The following RHOT2 variants were observed in gnomAD, a reference collection of about 807,000 sequenced individuals.
RHOT2 encodes the protein ras homolog family member T2.
Under a neutral mutation model 81.6 loss-of-function variants are expected in RHOT2, and 90 were observed. The observed-to-expected ratio is 1.10, with a 90% CI of 0.93 to 1.31. The LOEUF is 1.31. RHOT2 is among the 40% of genes most tolerant of loss of function. The pLI, the probability that RHOT2 is intolerant of heterozygous loss-of-function variation, is 0.00. For missense variants in RHOT2, 1,014 were observed against 841.9 expected, an observed-to-expected ratio of 1.20 and a Z score of -2.53; for synonymous variants, 512 against 370.9, an observed-to-expected ratio of 1.38 and a Z score of -4.37.
chr16:672,588 C>T (rs371567285), intron 16 of RHOT2, 22 bp downstream of exon 16: 818 of 1,611,812 alleles, frequency 5.1e-4, no homozygotes, highest in Middle Eastern at 1.5e-3. Flanking sequence ...GGCGGCGCGG[C>T]CTGTGCCCGA....
chr16:672,331 C>T lies in RHOT2; in HGVS notation c.1273C>T (p.Arg425Cys), dbSNP rs3177338. 680,802 of 1,611,494 alleles carry T rather than the reference C, an allele frequency of 0.42. 161,339 individuals are homozygous for T. Among genetic ancestry groups the T allele is most frequent in the East Asian group, 0.99 (44,551 of 44,860 alleles). The change falls in exon 15 of 19, where the codon CGT becomes TGT. Residue 425 changes from arginine to cysteine, a missense_variant. Physicochemically the swap from Arg to Cys is radical, Grantham distance 180. Coordinates refer to ENST00000315082, the MANE Select transcript of RHOT2 (RefSeq NM_138769.3). ...CCTCCTGTGCAAGGTGGTAGGGGCCCGTGGAGTGGGCAAGTCTGCCTTCCT... is the reference window on the plus strand; with the variant it reads ...CCTCCTGTGCAAGGTGGTAGGGGCCTGTGGAGTGGGCAAGTCTGCCTTCCT... Reference protein sequence around the residue: ...SVLLCKVVGARGVGKSAFLQA... With the variant: ...SVLLCKVVGACGVGKSAFLQA...
rs111695663 is a variant in RHOT2 at position 669,185 on chromosome 16, C to T, written c.223-368C>T. 12 of 406,400 alleles carry T rather than the reference C, an allele frequency of 3.0e-5. 1 individual carries two copies. Among genetic ancestry groups the T allele is most frequent in the African/African-American group, 1.0e-4 (5 of 49,268 alleles). The allele number at this position is 406,400 out of a possible 1,614,324, so 25.2% of individuals were successfully genotyped here. Reference sequence around the variant, plus strand: ...AGGGGGGAGGCAGGGGCCAAGGCGGCGGCTGTCTTGCAGGGTGTTGGGTTG... The same window carrying T: ...AGGGGGGAGGCAGGGGCCAAGGCGGTGGCTGTCTTGCAGGGTGTTGGGTTG... On this transcript the variant is annotated intron_variant, in intron 4 of 18. Transcript: ENST00000315082.
chr16:670,253 C>A lies in RHOT2; in HGVS notation c.334C>A (p.Pro112Thr). Residue 112 changes from proline (P) to threonine (T), a missense_variant, in exon 7 of 19, where the codon CCC becomes ACC. Transcript: ENST00000315082. ...GACCATGGGCCTTCAACCCAGGGTG[C>A]CCATCATCCTAGTGGGCAACAAGTC... ...NGGTTQGPRV[P>T]IILVGNKSDL... The A allele has an allele frequency of 6.2e-7, 1 of 1,612,542 alleles. No individual in the cohort carries two copies. Among genetic ancestry groups the A allele is most frequent in the Non-Finnish European group, 8.5e-7 (1 of 1,179,846 alleles).
intron 4 of RHOT2, chr16:668,957 T>A (rs2038414449): frequency 1.9e-6 from 1 of 531,004 alleles, no homozygotes; most frequent in Admixed American, 3.9e-5. Context: ...CAGCAGCGTT[T>A]GCTCTTCCTG....
rs1329355964 is a variant in RHOT2 at position 668,338 on chromosome 16, C to T, written c.38-15C>T. ...GTGACCTTGGCCCTCGCGCTGACCG[C>T]CTCGCCCCGCGCAGCCCAGGTGGGG... On this transcript the variant is annotated splice_polypyrimidine_tract_variant and intron_variant, in intron 1 of 18. Coordinates refer to ENST00000315082, the MANE Select transcript of RHOT2 (RefSeq NM_138769.3). 5 of 1,389,856 alleles carry T rather than the reference C, an allele frequency of 3.6e-6. No homozygotes were observed. The highest frequency in any genetic ancestry group is 3.7e-6 in the Non-Finnish European group (4 of 1,078,650). The allele number at this position is 1,389,856 out of a possible 1,614,324, so 86.1% of individuals were successfully genotyped here.
intron 4 of RHOT2, 65 bp from the exon 5 acceptor site, chr16:669,488 A>G: frequency 6.5e-7 from 1 of 1,544,766 alleles, no homozygotes; most frequent in Non-Finnish European, 8.9e-7. Flanking sequence ...ATGGCGTGGA[A>G]CGGCCAGGGT....
chr16:670,590 C>T, intron 8 of RHOT2, 33 bp downstream of exon 8: 1 of 1,595,986 alleles, frequency 6.3e-7, no homozygotes, highest in Non-Finnish European at 8.6e-7. Flanking sequence ...CACGCTGGTT[C>T]CCCAGGGGCC....
rs2151491322 is a variant in RHOT2, at chr16:673,889, G to A, written c.*283G>A. ...GGGATTGCCCACCCCTGGGCATCAT[G>A]TGTGTGGGGCCGGGGAGCACAGGTG... On this transcript the variant is annotated 3_prime_UTR_variant, in exon 19 of 19. Transcript: ENST00000315082. 1.6e-6 allele frequency: 1 copy of A among 609,650 alleles called. No homozygotes were observed. The highest frequency in any genetic ancestry group is 3.3e-5 in the East Asian group (1 of 30,736). The allele number at this position is 609,650 out of a possible 1,614,324, so 37.8% of individuals were successfully genotyped here. A position where few individuals can be genotyped will look rare whatever the true frequency, so the allele number is the denominator to read the frequency against.
Position 668,293 on chromosome 16 carries a change from CTCGGGGG to C in RHOT2, c.38-52_38-46del, listed in dbSNP as rs2038254477. On this transcript the variant is annotated intron_variant, in intron 1 of 18. Transcript: ENST00000315082. ...GGCGGCCGTGAGGCGGGGTGAGGGT[CTCGGGGG>C]TCGGGGGGCGCCGTGACCTTGGCCC... 8.5e-6 allele frequency: 11 copies of C among 1,297,056 alleles called. No homozygotes were observed. In the East Asian group the frequency reaches 1.5e-4, roughly 17 times the overall value. The allele number at this position is 1,297,056 out of a possible 1,614,324, so 80.3% of individuals were successfully genotyped here.
In RHOT2 at chr16:671,928, G is replaced by C; in HGVS notation, c.1023G>C (p.Trp341Cys). 1 of 1,612,256 alleles carries C rather than the reference G, an allele frequency of 6.2e-7. No individual in the cohort carries two copies. The highest frequency in any genetic ancestry group is 8.5e-7 in the Non-Finnish European group (1 of 1,179,834). ...SLFSVFPAAP[W>C]GPELPRTVRT... Reference sequence around the variant, plus strand: ...TCAGTGTGTTCCCAGCAGCGCCCTGGGGCCCCGAGCTCCCACGCACAGTCC... The same window carrying C: ...TCAGTGTGTTCCCAGCAGCGCCCTGCGGCCCCGAGCTCCCACGCACAGTCC... Residue 341 changes from tryptophan to cysteine, a missense_variant, in exon 13 of 19, where the codon TGG becomes TGC. Coordinates refer to ENST00000315082, the MANE Select transcript of RHOT2 (RefSeq NM_138769.3).
At position 672,747 on chromosome 16, in the gene RHOT2, C is replaced by T. The variant is rs138630560; in HGVS notation, c.1449C>T (p.Asp483=). 2,426 of 1,612,596 alleles carry T rather than the reference C, an allele frequency of 1.5e-3. 4 individuals carry two copies. The highest frequency in any genetic ancestry group is 1.8e-3 in the Non-Finnish European group (2,120 of 1,179,984). The change falls in exon 17 of 19, where the codon GAC becomes GAT. Residue 483 remains aspartate (D), a synonymous_variant. Transcript: ENST00000315082. ...GTDGLLATSL[D]ATCDVACLMF... Reference sequence around the variant, plus strand: ...ATGGTCTGCTGGCCACATCGCTGGACGCCACCTGTGACGTTGCCTGCTTGA... The same window carrying T: ...ATGGTCTGCTGGCCACATCGCTGGATGCCACCTGTGACGTTGCCTGCTTGA...
chr16:670,083 C>G (rs754022010), intron 5 of RHOT2, 40 bp from the exon 6 acceptor site: 5 of 1,525,336 alleles, frequency 3.3e-6, no homozygotes, highest in East Asian at 4.6e-5. Context: ...GCCATGTGCC[C>G]GCGGGCAGCC....
chr16:669,756 C>G (rs2038590951), intron 5 of RHOT2, 150 bp downstream of exon 5: 4 of 752,096 alleles, frequency 5.3e-6, no homozygotes, highest in Non-Finnish European at 9.0e-6. Context: ...ACCCGGCCCT[C>G]TCCTGTGATC....
rs2151470395 is a variant in RHOT2, at chr16:671,123, G to A, written c.789G>A (p.Arg263=). The A allele has an allele frequency of 1.2e-6, 2 of 1,607,752 alleles. No homozygotes were observed. ...FLNTLFIQRG[R]HETTWTILRR... is the part of the protein sequence containing the mutation. Reference sequence around the variant, plus strand: ...ACACGCTCTTCATCCAGCGCGGCCGGCACGAGACCACCTGGACCATCCTGC... The same window carrying A: ...ACACGCTCTTCATCCAGCGCGGCCGACACGAGACCACCTGGACCATCCTGC... The change falls in exon 11 of 19, where the codon CGG becomes CGA. Residue 263 remains arginine (R), a synonymous_variant. Transcript: ENST00000315082.
rs1174981582 is a variant in RHOT2, at chr16:670,339, G to T, written c.420G>T (p.Glu140Asp). Residue 140 changes from glutamate to aspartate, a missense_variant, in exon 7 of 19, where the codon GAG becomes GAT. Coordinates refer to ENST00000315082, the MANE Select transcript of RHOT2 (RefSeq NM_138769.3). ...AVLPIMSQFP[E>D]IETCVECSAK... is the part of the protein sequence containing the mutation. ...TCCCCATCATGAGCCAGTTTCCCGAGATTGAGACCTGCGTGGAGGTGAGTA... is the reference window on the plus strand; with the variant it reads ...TCCCCATCATGAGCCAGTTTCCCGATATTGAGACCTGCGTGGAGGTGAGTA... 2 of 1,612,888 alleles carry T rather than the reference G, an allele frequency of 1.2e-6. No homozygotes were observed. Among genetic ancestry groups the T allele is most frequent in the Admixed American group, 3.3e-5 (2 of 60,024 alleles).
Position 671,088 on chromosome 16 carries a change from C to G in RHOT2, c.754C>G (p.Leu252Val), listed in dbSNP as rs1390242623. ...REDRLTLDGF[L>V]FLNTLFIQRG... ...CCTGCTTTGTCTCGGTGCAGGTTTC[C>G]TCTTCCTGAACACGCTCTTCATCCA... Residue 252 changes from leucine to valine, a missense_variant, in exon 11 of 19, where the codon CTC (leucine) becomes GTC (valine). Coordinates refer to ENST00000315082, the MANE Select transcript of RHOT2 (RefSeq NM_138769.3). 1.2e-6 allele frequency: 2 copies of G among 1,609,158 alleles called. No homozygotes were observed. Among genetic ancestry groups the G allele is most frequent in the East Asian group, 2.2e-5 (1 of 44,862 alleles).
chr16:673,347 C>A (rs1017121802), intron 18 of RHOT2, 133 bp from the exon 19 acceptor site: 4 of 1,395,358 alleles, frequency 2.9e-6, no homozygotes, highest in Non-Finnish European at 4.0e-6. Context: ...CAGGGCCTGG[C>A]CTCCACCGGC....
intron 10 of RHOT2, 29 bp from the exon 11 acceptor site, chr16:671,054 G>A (rs746209572): frequency 6.2e-7 from 1 of 1,601,856 alleles, no homozygotes; most frequent in African/African-American, 1.3e-5. Context: ...GGCTGTGCCT[G>A]GTGCTCCCCC....
At chr16:672,875 A>G in intron 17 of RHOT2, 50 bp downstream of exon 17, 1 of 1,612,496 alleles carries the variant, frequency 6.2e-7, no homozygotes, top group Non-Finnish European at 8.5e-7. Context: ...CTGTCCCTCC[A>G]GCTGTGCCTC....
Sources: gnomAD v4.1 joint callset for allele counts on GRCh38, gnomAD v4.1.1 for gene constraint, MANE v1.5 for transcripts, NCBI Gene and HGNC (gene_info 2026-07-23, HGNC 2026-07-21) for gene names.